DLG2: variants seen among roughly 807,000 people sequenced by gnomAD.
DLG2 encodes the protein disks large homolog 2.
A neutral mutation model predicts 132.5 loss-of-function variants in DLG2; 45 were observed. That is an observed-to-expected ratio of 0.34 (90% confidence interval 0.27 to 0.44). The LOEUF is 0.44. DLG2 is among the 20% of genes least tolerant of loss of function. DLG2 has a pLI of 1.00. For missense variants in DLG2, 1,045 were observed against 1,196.9 expected (o/e 0.87, Z 1.87); for synonymous variants, 424 against 419.6 (o/e 1.01, Z -0.13).
chr11:85,207,228 G>A (rs2152562873), intron 4 of DLG2, among the ~76,000 whole-genome samples: 1 of 152,022 alleles, frequency 6.6e-6, no homozygotes, highest in East Asian at 1.9e-4. Context: ...CTTCTCAGAT[G>A]TCTTCTTAGA....
chr11:84,121,038 C>A (rs1036666250), intron 9 of DLG2, among the ~76,000 whole-genome samples: 1 of 152,160 alleles, frequency 6.6e-6, no homozygotes, highest in Non-Finnish European at 1.5e-5. Flanking sequence ...TTTATTCATT[C>A]ATTTATTCAC....
intron 6 of DLG2, among the ~76,000 whole-genome samples, chr11:84,782,204 G>A (rs1026599978): frequency 1.1e-4 from 16 of 152,044 alleles, no homozygotes; most frequent in African/African-American, 3.4e-4. Context: ...GATACTATCC[G>A]GGGTGGATTA....
Position 84,934,849 on chromosome 11 carries a change from T to C in DLG2, c.357+176812A>G, listed in dbSNP as rs181942257. ...TTCCTAGGTTTTCTTGTTAATTCCA[T>C]TACATCTTATTATCACTTCTGTGAT... is the stretch of plus-strand genomic sequence containing the variant. On this transcript the variant is annotated intron_variant, in intron 6 of 27. Transcript: ENST00000376104. Among the ~76,000 whole-genome samples, 124 of 152,204 alleles carry C rather than the reference T, an allele frequency of 8.1e-4. 1 individual carries two copies. Among genetic ancestry groups the C allele is most frequent in the African/African-American group, 2.9e-3 (120 of 41,534 alleles).
At chr11:84,586,182 GT>G (rs1405603464) in intron 6 of DLG2, among the ~76,000 whole-genome samples, 1 of 148,630 alleles carries the variant, frequency 6.7e-6, no homozygotes, top group Non-Finnish European at 1.5e-5. Context: ...GTAATTAATT[GT>G]TCATTGTGAT....
At chr11:85,050,828 T>C (rs955041607) in intron 6 of DLG2, among the ~76,000 whole-genome samples, 2 of 152,204 alleles carry the variant, frequency 1.3e-5, no homozygotes, top group African/African-American at 4.8e-5. Context: ...AACCTACTCA[T>C]GCTTTTTTAA....
chr11:85,121,078 G>C (rs1306537493), intron 5 of DLG2, among the ~76,000 whole-genome samples: 2 of 151,840 alleles, frequency 1.3e-5, no homozygotes, highest in African/African-American at 4.8e-5. Flanking sequence ...TCCTTTTGTA[G>C]GTTACTTGGG....
At chr11:84,031,607 C>T (rs895023330) in intron 11 of DLG2, among the ~76,000 whole-genome samples, 2 of 152,154 alleles carry the variant, frequency 1.3e-5, no homozygotes, top group African/African-American at 4.8e-5. Flanking sequence ...AGGCTTCACA[C>T]AGCATTGAAA....
chr11:85,082,791 G>C (rs1388482516), intron 6 of DLG2, among the ~76,000 whole-genome samples: 1 of 90,310 alleles, frequency 1.1e-5, no homozygotes, highest in Non-Finnish European at 2.1e-5. Context: ...AAGAGGCCTT[G>C]TTCCCCACAA....
chr11:85,534,926 C>G (rs2075472502), intron 3 of DLG2, among the ~76,000 whole-genome samples: 1 of 152,214 alleles, frequency 6.6e-6, no homozygotes, highest in African/African-American at 2.4e-5. Context: ...CTGTTTTCCA[C>G]AAGGGCTAAA....
chr11:85,392,698 C>G (rs961869305), intron 3 of DLG2, among the ~76,000 whole-genome samples: 1 of 152,068 alleles, frequency 6.6e-6, no homozygotes, highest in Admixed American at 6.6e-5. Flanking sequence ...TTCAACAAAG[C>G]AGACAAAATC....
chr11:84,238,255 C>T (rs2097184219), intron 8 of DLG2, among the ~76,000 whole-genome samples: 1 of 151,994 alleles, frequency 6.6e-6, no homozygotes, highest in Non-Finnish European at 1.5e-5. Context: ...AGGCTTACAC[C>T]TGTCATTCCA....
intron 18 of DLG2, among the ~76,000 whole-genome samples, chr11:83,746,550 G>T (rs1016043206): frequency 2.0e-5 from 3 of 151,948 alleles, no homozygotes; most frequent in African/African-American, 7.3e-5. Context: ...ACACAGGAAG[G>T]GGAACATCAC....
chr11:85,031,402 C>G lies in DLG2; in HGVS notation c.357+80259G>C, dbSNP rs77518374. Reference sequence around the variant, plus strand: ...GAGCCTATCTTTTTATAATAGTCATCCCACTCATATTAATTTTGACAACAT... The same window carrying G: ...GAGCCTATCTTTTTATAATAGTCATGCCACTCATATTAATTTTGACAACAT... On this transcript the variant is annotated intron_variant, in intron 6 of 27. Transcript: ENST00000376104. Among the ~76,000 whole-genome samples, 1,353 of 152,212 alleles carry G rather than the reference C, an allele frequency of 8.9e-3. 13 individuals are homozygous for G. The highest frequency in any genetic ancestry group is 0.031 in the African/African-American group (1,282 of 41,562).
intron 10 of DLG2, among the ~76,000 whole-genome samples, chr11:84,059,697 T>C (rs1336746993): frequency 1.3e-5 from 2 of 152,180 alleles, no homozygotes; most frequent in South Asian, 2.1e-4. Context: ...CTTTTGACCA[T>C]ACTACTGGTC....
At chr11:83,850,090 A>G (rs1448643410) in intron 16 of DLG2, among the ~76,000 whole-genome samples, 1 of 151,358 alleles carries the variant, frequency 6.6e-6, no homozygotes, top group African/African-American at 2.4e-5. Flanking sequence ...AACTAATTAT[A>G]ATAACATTCA....
chr11:84,530,488 A>C (rs1455232663), intron 7 of DLG2, among the ~76,000 whole-genome samples: 1 of 152,256 alleles, frequency 6.6e-6, no homozygotes, highest in Non-Finnish European at 1.5e-5. Flanking sequence ...ACTTTTCAAA[A>C]GAAGATATAT....
chr11:83,509,657 T>C (rs1466842748), intron 21 of DLG2, among the ~76,000 whole-genome samples: 1 of 152,162 alleles, frequency 6.6e-6, no homozygotes, highest in Non-Finnish European at 1.5e-5. Context: ...GAAATATACC[T>C]TGTGAGTTAG....
chr11:84,713,507 T>C (rs1016119954), intron 6 of DLG2, among the ~76,000 whole-genome samples: 1 of 152,094 alleles, frequency 6.6e-6, no homozygotes, highest in African/African-American at 2.4e-5. Context: ...AACACTTGGA[T>C]TTTTTGCATA....
chr11:85,231,463 C>T (rs2075296891), intron 4 of DLG2, among the ~76,000 whole-genome samples: 2 of 152,014 alleles, frequency 1.3e-5, no homozygotes, highest in Admixed American at 1.3e-4. Flanking sequence ...ATCACTAAGC[C>T]CATCTTTTCC....
Sources: gnomAD v4.1 joint callset for allele counts (sites outside exome capture counted in the v4.1 genomes callset) on GRCh38, gnomAD v4.1.1 for gene constraint, MANE v1.5 for transcripts, NCBI Gene and HGNC (gene_info 2026-07-23, HGNC 2026-07-21) for gene names.